Variants in MAP4K3 observed in about 807,000 individuals in gnomAD.
MAP4K3 encodes mitogen-activated protein kinase kinase kinase kinase 3.
In MAP4K3, 94 loss-of-function variants were observed where a neutral mutation model predicts 143.5. The observed-to-expected ratio is 0.65, with a 90% confidence interval of 0.55 to 0.78. The LOEUF is 0.78. Ranked by LOEUF, MAP4K3 falls within the 30% of genes least tolerant of loss-of-function variation. MAP4K3 has a pLI of 0.00. For missense variants in MAP4K3, 1,077 were observed against 1,068.1 expected (o/e 1.01, Z -0.12); for synonymous variants, 416 against 347.2 (o/e 1.20, Z -2.20).
At chr2:39,428,847 A>G (rs1466772897) in intron 1 of MAP4K3, among the ~76,000 whole-genome samples, 1 of 151,158 alleles carries the variant, frequency 6.6e-6, no homozygotes, top group Non-Finnish European at 1.5e-5. Context: ...AGGCGGGTGG[A>G]TCACGAGGTC....
At chr2:39,316,089 G>C (rs116292244) in intron 12 of MAP4K3, among the ~76,000 whole-genome samples, 32 of 151,904 alleles carry the variant, frequency 2.1e-4, no homozygotes, top group African/African-American at 7.7e-4. Flanking sequence ...CTCCATCTCA[G>C]TTTCTCTTGG....
intron 3 of MAP4K3, among the ~76,000 whole-genome samples, chr2:39,345,086 T>C (rs1357391629): frequency 6.6e-6 from 1 of 152,078 alleles, no homozygotes; most frequent in Non-Finnish European, 1.5e-5. Flanking sequence ...AAAGTGGAGA[T>C]GCTGAGCCAG....
chr2:39,301,949 G>A (rs961418776), intron 15 of MAP4K3, among the ~76,000 whole-genome samples: 4 of 152,028 alleles, frequency 2.6e-5, no homozygotes, highest in South Asian at 4.1e-4. Flanking sequence ...GCTTGAACCC[G>A]GGAGGCGGAG....
chr2:39,307,877 G>T, intron 15 of MAP4K3, 66 bp downstream of exon 15: 2 of 1,224,150 alleles, frequency 1.6e-6, no homozygotes, highest in South Asian at 1.6e-5. Context: ...CAAAATGTTT[G>T]ATCTTAAAAG....
intron 1 of MAP4K3, among the ~76,000 whole-genome samples, chr2:39,402,566 C>T (rs1454331835): frequency 6.6e-6 from 1 of 152,106 alleles, no homozygotes; most frequent in Non-Finnish European, 1.5e-5. Flanking sequence ...AAATCAGTGA[C>T]TTCAGCTTCC....
chr2:39,311,622 C>T (rs976082562), intron 13 of MAP4K3, among the ~76,000 whole-genome samples: 1 of 152,232 alleles, frequency 6.6e-6, no homozygotes, highest in Non-Finnish European at 1.5e-5. Context: ...GAGGAAGTCA[C>T]ATTGTGAGCA....
chr2:39,381,425 T>C (rs907677044), intron 1 of MAP4K3, among the ~76,000 whole-genome samples: 3 of 152,178 alleles, frequency 2.0e-5, no homozygotes, highest in Non-Finnish European at 4.4e-5. Flanking sequence ...TTTTCTCCCA[T>C]TCTACATGCT....
At chr2:39,275,997 T>C (rs919423416) in intron 24 of MAP4K3, among the ~76,000 whole-genome samples, 3 of 152,110 alleles carry the variant, frequency 2.0e-5, no homozygotes, top group Admixed American at 1.3e-4. Context: ...CTCAGCCTCC[T>C]GAGTAGCTGG....
At position 39,333,531 on chromosome 2, in the gene MAP4K3, C is replaced by T. The variant is rs1179636187; in HGVS notation, c.457+1G>A. ...ACGTGACAAAATTCCAATTTACTTA[C>T]CCAATTTCACATGACCATTATCCGT... On this transcript the variant is annotated splice_donor_variant, in intron 7 of 33. Coordinates refer to ENST00000263881, the MANE Select transcript of MAP4K3 (RefSeq NM_003618.4). LOFTEE classifies it high-confidence loss of function. The T allele has an allele frequency of 6.2e-7, 1 of 1,604,360 alleles. No individual in the cohort carries two copies. The highest frequency in any genetic ancestry group is 8.5e-7 in the Non-Finnish European group (1 of 1,172,048).
chr2:39,287,088 C>A, intron 20 of MAP4K3, 124 bp from the exon 21 acceptor site: 1 of 546,680 alleles, frequency 1.8e-6, no homozygotes, highest in Non-Finnish European at 3.2e-6. Context: ...TGGGATCACC[C>A]AATCAGAATA....
chr2:39,424,812 C>A (rs1024762645), intron 1 of MAP4K3, among the ~76,000 whole-genome samples: 21 of 114,328 alleles, frequency 1.8e-4, no homozygotes, highest in Non-Finnish European at 3.0e-4. Flanking sequence ...GCCTGGGTGA[C>A]AGAGTTATAA....
intron 12 of MAP4K3, among the ~76,000 whole-genome samples, chr2:39,318,176 A>G (rs891988697): frequency 1.3e-5 from 2 of 152,138 alleles, no homozygotes; most frequent in Admixed American, 6.6e-5. Context: ...GTTCTCACTG[A>G]TAAGTGGGAG....
At chr2:39,389,213 G>A (rs1666588588) in intron 1 of MAP4K3, among the ~76,000 whole-genome samples, 1 of 151,906 alleles carries the variant, frequency 6.6e-6, no homozygotes, top group African/African-American at 2.4e-5. Context: ...AATAAAAAAC[G>A]AAATTAAAAA....
intron 1 of MAP4K3, among the ~76,000 whole-genome samples, chr2:39,414,830 T>C (rs1164386139): frequency 6.6e-6 from 1 of 151,044 alleles, no homozygotes; most frequent in Non-Finnish European, 1.5e-5. Flanking sequence ...TGAGCTGAGA[T>C]GACGCCACTG....
At chr2:39,363,736 A>T (rs1665837091) in intron 2 of MAP4K3, among the ~76,000 whole-genome samples, 1 of 150,222 alleles carries the variant, frequency 6.7e-6, no homozygotes, top group Non-Finnish European at 1.5e-5. Context: ...GCTTGATTTG[A>T]TCATTTCACA....
At position 39,333,554 on chromosome 2, in the gene MAP4K3, C is replaced by T. The variant is rs1475330478; in HGVS notation, c.435G>A (p.Thr145=). ...RDIKGANILL[T]DNGHVKLADF... Reference sequence around the variant, plus strand: ...TACCCAATTTCACATGACCATTATCCGTTAATAGAATGTTAGCTCCCTTCA... The same window carrying T: ...TACCCAATTTCACATGACCATTATCTGTTAATAGAATGTTAGCTCCCTTCA... Residue 145 remains threonine, a synonymous_variant, in exon 7 of 34, where the codon ACG becomes ACA. Coordinates refer to ENST00000263881, the MANE Select transcript of MAP4K3 (RefSeq NM_003618.4). 1.4e-5 allele frequency: 22 copies of T among 1,605,462 alleles called. 1 individual carries two copies. The highest frequency in any genetic ancestry group is 1.7e-5 in the Admixed American group (1 of 59,812).
intron 12 of MAP4K3, among the ~76,000 whole-genome samples, chr2:39,321,758 C>T (rs1452990650): frequency 6.6e-6 from 1 of 152,242 alleles, no homozygotes; most frequent in Non-Finnish European, 1.5e-5. Flanking sequence ...GGAGGTGGGA[C>T]ATGCGGGCAA....
intron 16 of MAP4K3, among the ~76,000 whole-genome samples, chr2:39,297,357 A>T (rs1304287971): frequency 1.3e-5 from 2 of 152,104 alleles, no homozygotes; most frequent in African/African-American, 4.8e-5. Context: ...ACCTCAGGTG[A>T]TCTACTCGCC....
intron 2 of MAP4K3, among the ~76,000 whole-genome samples, chr2:39,363,100 T>G (rs1169649097): frequency 1.3e-5 from 2 of 152,182 alleles, no homozygotes; most frequent in Non-Finnish European, 1.5e-5. Flanking sequence ...CCTGAAACCA[T>G]AAAACTCTTA....
Sources: allele counts gnomAD v4.1 joint callset (sites outside exome capture counted in the v4.1 genomes callset), GRCh38; gene constraint gnomAD v4.1.1; transcripts MANE v1.5; gene names NCBI Gene and HGNC (gene_info 2026-07-23, HGNC 2026-07-21).